Variants in PCCB observed in about 807,000 individuals in gnomAD.
PCCB encodes the protein propionyl-CoA carboxylase beta chain, mitochondrial.
Under a neutral mutation model 60.7 loss-of-function variants are expected in PCCB, and 43 were observed. That is an observed-to-expected ratio of 0.71 (90% confidence interval 0.55 to 0.91). The LOEUF is 0.91. PCCB is among the 40% of genes least tolerant of loss of function. The probability of loss-of-function intolerance (pLI) is 0.00; values close to 1 mark genes in which losing one functional copy is unlikely to be tolerated. For synonymous variants in PCCB, 276 were observed against 255.9 expected, an observed-to-expected ratio of 1.08 and a Z score of -0.75; for missense variants, 766 against 702.8, an observed-to-expected ratio of 1.09 and a Z score of -1.02.
At chr3:136,268,955 C>G (rs1440118958) in intron 5 of PCCB, among the ~76,000 whole-genome samples, 1 of 152,176 alleles carries the variant, frequency 6.6e-6, no homozygotes, top group Non-Finnish European at 1.5e-5. Context: ...GCATACCTGT[C>G]TTGCACTTCT....
rs1935374075 is a variant in PCCB at position 136,327,661 on chromosome 3, A to G, written c.1327A>G (p.Ser443Gly). 1 of 1,613,716 alleles carries G rather than the reference A, an allele frequency of 6.2e-7. No individual in the cohort carries two copies. Among genetic ancestry groups the G allele is most frequent in the Non-Finnish European group, 8.5e-7 (1 of 1,179,796 alleles). Reference protein sequence around the residue: ...KAYGGAYDVMSSKHLCGDTNY... With the variant: ...KAYGGAYDVMGSKHLCGDTNY... ...CTATGGAGGTGCCTATGATGTCATG[A>G]GCTCTAAGCACCTTTGTGGTGATAC... The change falls in exon 13 of 15, where the codon AGC becomes GGC. Residue 443 changes from serine (S) to glycine (G), a missense_variant. Transcript: ENST00000251654.
intron 10 of PCCB, among the ~76,000 whole-genome samples, chr3:136,320,042 C>T (rs542755111): frequency 6.6e-6 from 1 of 152,348 alleles, no homozygotes; most frequent in Non-Finnish European, 1.5e-5. Context: ...ATTCTTAACA[C>T]TATTCTGTTG....
intron 9 of PCCB, among the ~76,000 whole-genome samples, chr3:136,310,590 C>T (rs1934625378): frequency 6.6e-6 from 1 of 152,284 alleles, no homozygotes; most frequent in South Asian, 2.1e-4. Flanking sequence ...CCAAATAGTC[C>T]TAGTGCCACA....
rs774942448 is a variant in PCCB at position 136,327,255 on chromosome 3, G to C, written c.1299G>C (p.Lys433Asn). ...CCAAAGTCACAGTCATCACCAGGAA[G>C]GTGAGGACCTCATGTTGGAGGCCAT... ...TVPKVTVITR[K>N]AYGGAYDVMS... is the part of the protein sequence containing the mutation. Residue 433 changes from lysine to asparagine, a missense_variant and splice_region_variant, in exon 12 of 15, where the codon AAG becomes AAC. Transcript: ENST00000251654. The C allele has an allele frequency of 1.2e-6, 2 of 1,611,220 alleles. No homozygotes were observed. Among genetic ancestry groups the C allele is most frequent in the African/African-American group, 2.7e-5 (2 of 74,896 alleles).
chr3:136,328,950 C>T (rs1935434839), intron 14 of PCCB, 93 bp downstream of exon 14: 1 of 1,001,606 alleles, frequency 1.0e-6, no homozygotes, highest in Non-Finnish European at 1.6e-6. Context: ...GCCTTTTTGC[C>T]TTTGCAGTCT....
rs554704929 is a variant in PCCB, at chr3:136,290,512, TTTTG to T, written c.655-3230_655-3227del. On this transcript the variant is annotated intron_variant, in intron 6 of 14. Coordinates refer to ENST00000251654, the MANE Select transcript of PCCB (RefSeq NM_000532.5). ...TAATGTCCTAAGTGTAGTTTTTTGT[TTTTG>T]TTTGTTTGTTTGTCTTTTGTTTTTT... is the stretch of plus-strand genomic sequence containing the variant. Among the ~76,000 whole-genome samples, 42 of 151,830 alleles carry T rather than the reference TTTTG, an allele frequency of 2.8e-4. No homozygotes were observed. The South Asian group carries it at 3.1e-3, about 11-fold the overall frequency.
intron 5 of PCCB, among the ~76,000 whole-genome samples, chr3:136,274,867 C>T (rs915682615): frequency 6.6e-6 from 1 of 151,176 alleles, no homozygotes; most frequent in Non-Finnish European, 1.5e-5. Flanking sequence ...TACTCTGTTG[C>T]CCAGGCTGTA....
At chr3:136,260,563 C>T (rs773493869) in intron 4 of PCCB, 28 bp downstream of exon 4, 11 of 1,567,568 alleles carry the variant, frequency 7.0e-6, no homozygotes, top group African/African-American at 6.8e-5. Flanking sequence ...AAATTCAATC[C>T]ATTGCTTTCC....
intron 9 of PCCB, 114 bp from the exon 10 acceptor site, chr3:136,316,827 G>A: frequency 8.2e-7 from 1 of 1,213,486 alleles, no homozygotes; most frequent in Non-Finnish European, 1.2e-6. Flanking sequence ...GATAGAGCTG[G>A]AGCTGTCTAC....
rs146261602 is a variant in PCCB at position 136,313,472 on chromosome 3, CA to C, written c.967-3467del. Among the ~76,000 whole-genome samples the C allele has an allele frequency of 9.2e-3, 1,405 of 152,154 alleles. 13 individuals carry two copies. Among genetic ancestry groups the C allele is most frequent in the African/African-American group, 0.032 (1,347 of 41,504 alleles). On this transcript the variant is annotated intron_variant, in intron 9 of 14. Transcript: ENST00000251654. ...ATATTAAGTGAAAAAATTCAAAGTG[CA>C]AGAGTGTCTGTACTGTTACTTTCCA...
At chr3:136,317,141 C>A in intron 10 of PCCB, 77 bp downstream of exon 10, 2 of 1,450,002 alleles carry the variant, frequency 1.4e-6, no homozygotes, top group Non-Finnish European at 1.9e-6. Context: ...TCCTTTCTGT[C>A]TTTTGCCTGT....
At chr3:136,272,719 C>G (rs1942232017) in intron 5 of PCCB, among the ~76,000 whole-genome samples, 1 of 151,838 alleles carries the variant, frequency 6.6e-6, no homozygotes, top group African/African-American at 2.4e-5. Flanking sequence ...TTTCATTGAG[C>G]TTATTTGGAT....
At chr3:136,299,639 T>A (rs961514338) in intron 8 of PCCB, among the ~76,000 whole-genome samples, 1 of 113,988 alleles carries the variant, frequency 8.8e-6, no homozygotes, top group Non-Finnish European at 1.8e-5. Flanking sequence ...TGCATGTGTA[T>A]GTATGTATAT....
At chr3:136,289,627 T>G (rs1933583767) in intron 6 of PCCB, among the ~76,000 whole-genome samples, 1 of 152,178 alleles carries the variant, frequency 6.6e-6, no homozygotes, top group Non-Finnish European at 1.5e-5. Flanking sequence ...CCATTGACAT[T>G]CAGAGAGATT....
At chr3:136,328,042 G>C (rs1457926580) in intron 13 of PCCB, among the ~76,000 whole-genome samples, 1 of 152,184 alleles carries the variant, frequency 6.6e-6, no homozygotes, top group Non-Finnish European at 1.5e-5. Flanking sequence ...AAAGGGTTGA[G>C]TCAACTGAAG....
chr3:136,286,628 A>G (rs982807653), intron 6 of PCCB, among the ~76,000 whole-genome samples: 5 of 152,190 alleles, frequency 3.3e-5, no homozygotes, highest in Non-Finnish European at 7.3e-5. Context: ...ATAATCCACA[A>G]TATAATCAAA....
At chr3:136,300,285 A>G (rs1934215229) in intron 8 of PCCB, among the ~76,000 whole-genome samples, 1 of 152,158 alleles carries the variant, frequency 6.6e-6, no homozygotes, top group African/African-American at 2.4e-5. Context: ...TGATGGACAC[A>G]TGGCCTGACC....
chr3:136,316,860 T>C, intron 9 of PCCB, 81 bp from the exon 10 acceptor site: 1 of 1,508,336 alleles, frequency 6.6e-7, no homozygotes, highest in Non-Finnish European at 9.2e-7. Flanking sequence ...AATTCTGTAA[T>C]AGAAATGTCA....
chr3:136,322,963 G>A (rs1323126635), intron 10 of PCCB, among the ~76,000 whole-genome samples: 1 of 148,478 alleles, frequency 6.7e-6, no homozygotes, highest in African/African-American at 2.5e-5. Context: ...AGAAATCACT[G>A]GATAATCTTA....
Sources: gnomAD v4.1 joint callset for allele counts (sites outside exome capture counted in the v4.1 genomes callset) on GRCh38, gnomAD v4.1.1 for gene constraint, MANE v1.5 for transcripts, NCBI Gene and HGNC (gene_info 2026-07-23, HGNC 2026-07-21) for gene names.